The following DMD variants were observed in gnomAD, a reference collection of about 807,000 sequenced individuals.
DMD encodes dystrophin, also known as mutant dystrophin.
In DMD, 63 loss-of-function variants were observed where a neutral mutation model predicts 330.1. The ratio of observed to expected loss-of-function variants is 0.19; its 90% CI spans 0.16 to 0.24. DMD has a LOEUF of 0.24. Among genes scored for constraint, DMD ranks in the 10% least tolerant of loss-of-function variants. The pLI, the probability that DMD is intolerant of heterozygous loss-of-function variation, is 1.00. For missense variants in DMD, 3,344 were observed against 2,684.1 expected (o/e 1.25, Z -5.43); for synonymous variants, 1,223 against 959.8 (o/e 1.27, Z -5.07).
intron 9 of DMD, among the ~76,000 whole-genome samples, chrX:32,659,943 T>C (rs1344396292): frequency 1.8e-5 from 2 of 110,792 alleles, no homozygotes; most frequent in African/African-American, 3.3e-5. Context: ...CTCTGGTAGA[T>C]TTCATTAACA....
intron 1 of DMD, among the ~76,000 whole-genome samples, chrX:33,143,928 T>C (rs1028281550): frequency 9.0e-6 from 1 of 111,361 alleles, no homozygotes; most frequent in East Asian, 2.8e-4. Flanking sequence ...CAAATAAATA[T>C]GAAGACCAGA....
In DMD at chrX:31,862,911, C is replaced by G. The variant is rs145494412; in HGVS notation, c.7098+12277G>C. On this transcript the variant is annotated intron_variant, in intron 48 of 78. Transcript: ENST00000357033. ...GTACCTCTGAAGATCGAGAAAGAGG[C>G]CATCCGGGTACAATGCAGCAGTTAC... 7.3e-3 allele frequency among the ~76,000 whole-genome samples: 823 copies of G among 112,744 alleles called. 7 individuals are homozygous for G. The highest frequency in any genetic ancestry group is 0.025 in the African/African-American group (783 of 31,106).
At chrX:33,254,504 T>C (rs950942525) in intron 1 of DMD, among the ~76,000 whole-genome samples, 1 of 110,454 alleles carries the variant, frequency 9.1e-6, no homozygotes, top group Non-Finnish European at 1.9e-5. Flanking sequence ...CTTAGGCTTT[T>C]CCCCCTATAT....
At chrX:32,480,402 A>G (rs757180021) in intron 21 of DMD, among the ~76,000 whole-genome samples, 74 of 107,021 alleles carry the variant, frequency 6.9e-4, no homozygotes, top group East Asian at 2.3e-3. Context: ...GTGTGTGTGT[A>G]TATGTCTACA....
At chrX:31,265,790 G>T in intron 62 of DMD, among the ~76,000 whole-genome samples, 1 of 76,010 alleles carries the variant, frequency 1.3e-5, no homozygotes, top group Admixed American at 1.5e-4. Flanking sequence ...GTGTGGGGGG[G>T]GGGGGGGTGG....
At chrX:31,782,437 G>A (rs191437584) in intron 50 of DMD, among the ~76,000 whole-genome samples, 17 of 110,857 alleles carry the variant, frequency 1.5e-4, no homozygotes, top group Non-Finnish European at 2.3e-4. Context: ...CACCCACACC[G>A]TCTCAACTTA....
intron 7 of DMD, among the ~76,000 whole-genome samples, chrX:32,801,451 A>G (rs2076557988): frequency 2.7e-5 from 3 of 111,439 alleles, no homozygotes; most frequent in Middle Eastern, 9.3e-3. Flanking sequence ...ATTTTCTCCC[A>G]TCCTATAGGC....
At chrX:32,299,702 C>T (rs377266564) in intron 42 of DMD, among the ~76,000 whole-genome samples, 4 of 110,911 alleles carry the variant, frequency 3.6e-5, no homozygotes, top group East Asian at 5.7e-4. Context: ...TCAGGACCTC[C>T]GTTTCTCCAT....
At chrX:31,316,797 T>C (rs5927718) in intron 62 of DMD, among the ~76,000 whole-genome samples, 9 of 112,008 alleles carry the variant, frequency 8.0e-5, no homozygotes, top group Non-Finnish European at 1.3e-4. Flanking sequence ...TATCTTTGTG[T>C]ACTAAAGCCT....
At chrX:32,719,987 T>TAC (rs202101189) in intron 7 of DMD, among the ~76,000 whole-genome samples, 23 of 106,146 alleles carry the variant, frequency 2.2e-4, no homozygotes, top group East Asian at 8.6e-4. Flanking sequence ...TATATATATA[T>TAC]ACACACACAC....
At chrX:32,623,483 T>C (rs745677176) in intron 11 of DMD, among the ~76,000 whole-genome samples, 16 of 111,243 alleles carry the variant, frequency 1.4e-4, no homozygotes, top group Middle Eastern at 4.7e-3. Context: ...TTTATTCAAC[T>C]TTTTTTAACA....
At chrX:32,732,884 A>C (rs2067900426) in intron 7 of DMD, among the ~76,000 whole-genome samples, 1 of 110,646 alleles carries the variant, frequency 9.0e-6, no homozygotes, top group Non-Finnish European at 1.9e-5. Context: ...CTAACATCAT[A>C]ATGACAGGAT....
In DMD at chrX:31,323,612, C is replaced by T. The variant is rs147336953; in HGVS notation, c.9210G>A (p.Val3070=). ...TTCCAACTTACTTGATATAGTAGGG[C>T]ACTTTGTTTGGCGAGATGGCTCTCT... ...PWERAISPNK[V]PYYINHETQT... The change falls in exon 62 of 79, where the codon GTG becomes GTA. Residue 3070 remains valine, a synonymous_variant. Coordinates refer to ENST00000357033, the MANE Select transcript of DMD (RefSeq NM_004006.3). 13 of 1,207,663 alleles carry T rather than the reference C, an allele frequency of 1.1e-5. No homozygotes were observed. In the East Asian group the frequency reaches 3.0e-4, roughly 27 times the overall value.
At position 31,812,735 on chromosome X, in the gene DMD, T is replaced by C. The variant is rs988684996; in HGVS notation, c.7309+7240A>G. ...TGGTGCACTGATTAATAGCATAAGCTCTGGAATCATAGAGACTTATTTTTG... is the reference window on the plus strand; with the variant it reads ...TGGTGCACTGATTAATAGCATAAGCCCTGGAATCATAGAGACTTATTTTTG... On this transcript the variant is annotated intron_variant, in intron 50 of 78. Coordinates refer to ENST00000357033, the MANE Select transcript of DMD (RefSeq NM_004006.3). Among the ~76,000 whole-genome samples, 4 of 111,703 alleles carry C rather than the reference T, an allele frequency of 3.6e-5. No individual in the cohort carries two copies. In the Admixed American group the frequency reaches 3.8e-4, roughly 11 times the overall value.
At chrX:31,123,201 C>A (rs1275264237) in intron 78 of DMD, among the ~76,000 whole-genome samples, 2 of 111,204 alleles carry the variant, frequency 1.8e-5, no homozygotes, top group Non-Finnish European at 3.8e-5. Flanking sequence ...ACAGTGATGG[C>A]ACCAGATCAA....
chrX:32,137,012 T>C (rs1330737484), intron 44 of DMD, among the ~76,000 whole-genome samples: 2 of 111,757 alleles, frequency 1.8e-5, no homozygotes, highest in African/African-American at 6.5e-5. Flanking sequence ...AGTATAATAA[T>C]AAATTTAAAA....
At chrX:32,677,262 G>A (rs1370784792) in intron 9 of DMD, among the ~76,000 whole-genome samples, 5 of 111,018 alleles carry the variant, frequency 4.5e-5, no homozygotes, top group African/African-American at 1.6e-4. Flanking sequence ...TTAATGTATT[G>A]TAAAAATATG....
intron 47 of DMD, among the ~76,000 whole-genome samples, chrX:31,886,458 A>T (rs2094155712): frequency 8.9e-6 from 1 of 112,075 alleles, no homozygotes; most frequent in Admixed American, 9.5e-5. Flanking sequence ...AAATCAGTAG[A>T]AAAAAAGACA....
At chrX:32,620,556 T>C in intron 11 of DMD, among the ~76,000 whole-genome samples, 1 of 112,281 alleles carries the variant, frequency 8.9e-6, no homozygotes, top group Non-Finnish European at 1.9e-5. Context: ...AAGTAGACAT[T>C]TTATTTTTAT....
Sources: allele counts gnomAD v4.1 joint callset (sites outside exome capture counted in the v4.1 genomes callset), GRCh38; gene constraint gnomAD v4.1.1; transcripts MANE v1.5; gene names NCBI Gene and HGNC (gene_info 2026-07-23, HGNC 2026-07-21).